The following NR3C2 variants were observed in gnomAD, a reference collection of about 807,000 sequenced individuals.
NR3C2 encodes the protein nuclear receptor subfamily 3 group C member 2, also known as mineralocorticoid receptor.
In NR3C2, 15 loss-of-function variants were observed where a neutral mutation model predicts 86.4. The observed-to-expected ratio is 0.17, with a 90% confidence interval of 0.12 to 0.27. NR3C2 has a LOEUF of 0.27. Ranked by LOEUF, NR3C2 falls within the 10% of genes least tolerant of loss-of-function variation. NR3C2 has a pLI of 1.00. For synonymous variants in NR3C2, 458 were observed against 450.5 expected (o/e 1.02, Z -0.21); for missense variants, 960 against 1,195.6 (o/e 0.80, Z 2.91).
At chr4:148,089,647 G>A (rs1187801219) in intron 8 of NR3C2, among the ~76,000 whole-genome samples, 2 of 152,154 alleles carry the variant, frequency 1.3e-5, no homozygotes, top group African/African-American at 2.4e-5. Flanking sequence ...ATGAGGGATG[G>A]GAGAACCTTT....
Position 148,435,911 on chromosome 4 carries a change from T to A in NR3C2, c.950A>T (p.Asn317Ile). ...CGGACTGGAAAGCGTGGATCTGTTA[T>A]TAGTGTTCGAAGGGCTGGAAACAGA... Reference protein sequence around the residue: ...RCSVSSPSNTNNRSTLSSPAA... With the variant: ...RCSVSSPSNTINRSTLSSPAA... Residue 317 changes from asparagine to isoleucine, a missense_variant, in exon 2 of 9, where the codon AAT (asparagine) becomes ATT (isoleucine). Physicochemically the swap from Asn to Ile is moderately radical, Grantham distance 149 (BLOSUM62 -3). This residue lies in a region of NR3C2 where 680 missense variants were observed against 719.0 expected (regional missense o/e 0.95). Coordinates refer to ENST00000358102, the MANE Select transcript of NR3C2 (RefSeq NM_000901.5). 1 of 1,614,148 alleles carries A rather than the reference T, an allele frequency of 6.2e-7. No homozygotes were observed. Among genetic ancestry groups the A allele is most frequent in the Non-Finnish European group, 8.5e-7 (1 of 1,180,014 alleles).
chr4:148,390,782 C>T (rs1747505971), intron 2 of NR3C2, among the ~76,000 whole-genome samples: 1 of 151,854 alleles, frequency 6.6e-6, no homozygotes, highest in African/African-American at 2.4e-5. Context: ...TTTGACAGGC[C>T]CCAAAAATTG....
At chr4:148,323,570 A>G (rs1245507777) in intron 2 of NR3C2, among the ~76,000 whole-genome samples, 3 of 151,706 alleles carry the variant, frequency 2.0e-5, no homozygotes, top group Admixed American at 6.6e-5. Context: ...GGTGCGGGAC[A>G]TAATCTCGTG....
intron 2 of NR3C2, among the ~76,000 whole-genome samples, chr4:148,384,506 C>A (rs1397541246): frequency 2.0e-5 from 3 of 151,938 alleles, no homozygotes; most frequent in Non-Finnish European, 4.4e-5. Flanking sequence ...ATAAACCCCA[C>A]AAATACTATG....
At chr4:148,444,885 C>T (rs1440391008), upstream of NR3C2, 21 of 984,926 alleles carry the variant, frequency 2.1e-5, no homozygotes, top group Non-Finnish European at 2.4e-5. Flanking sequence ...GAGGATCCCG[C>T]GCCCGCCGCT....
chr4:148,170,615 A>G (rs1227698677), intron 4 of NR3C2, among the ~76,000 whole-genome samples: 1 of 152,130 alleles, frequency 6.6e-6, no homozygotes, highest in African/African-American at 2.4e-5. Context: ...TGGACTGGCC[A>G]CTCCCCTTCG....
Position 148,435,412 on chromosome 4 carries a change from G to A in NR3C2, c.1449C>T (p.Asn483=). Residue 483 remains asparagine (N), a synonymous_variant, in exon 2 of 9, where the codon AAC becomes AAT. Transcript: ENST00000358102. ...CCACTGGGAATCCGCTGCCTTCACA[G>A]TTACCATCAAAGCCGGGCACAGGTG... ...LGPPVPGFDG[N]CEGSGFPVGI... is the part of the protein sequence containing the mutation. The A allele has an allele frequency of 6.2e-7, 1 of 1,614,158 alleles. No individual in the cohort carries two copies. The highest frequency in any genetic ancestry group is 1.3e-5 in the African/African-American group (1 of 75,028).
chr4:148,124,725 T>C (rs190547682), intron 6 of NR3C2, among the ~76,000 whole-genome samples: 1 of 152,332 alleles, frequency 6.6e-6, no homozygotes, highest in African/African-American at 2.4e-5. Flanking sequence ...TAGCAGTATG[T>C]TGGACCTTCT....
At chr4:148,402,792 C>T (rs867434861) in intron 2 of NR3C2, among the ~76,000 whole-genome samples, 2 of 151,960 alleles carry the variant, frequency 1.3e-5, no homozygotes, top group African/African-American at 2.4e-5. Flanking sequence ...CATACACATA[C>T]AATGGAAAGC....
chr4:148,211,683 G>A (rs924748125), intron 3 of NR3C2, among the ~76,000 whole-genome samples: 1 of 152,016 alleles, frequency 6.6e-6, no homozygotes, highest in Admixed American at 6.6e-5. Flanking sequence ...GTGCCTCTAT[G>A]AAGCAGGATG....
At chr4:148,380,992 T>A (rs1746951169) in intron 2 of NR3C2, among the ~76,000 whole-genome samples, 1 of 152,076 alleles carries the variant, frequency 6.6e-6, no homozygotes, top group African/African-American at 2.4e-5. Flanking sequence ...TTTGGGAAGC[T>A]GAAGTGGGTG....
chr4:148,419,862 T>C lies in NR3C2; in HGVS notation c.1757+15242A>G, dbSNP rs911294336. On this transcript the variant is annotated intron_variant, in intron 2 of 8. Transcript: ENST00000358102. ...GTTCATTTCAATAATAATTAAGTCT[T>C]ACTAATGATAATGCTTAGAAAAGCA... 4.6e-5 allele frequency among the ~76,000 whole-genome samples: 7 copies of C among 152,212 alleles called. No homozygotes were observed. In the East Asian group the frequency reaches 5.8e-4, roughly 13 times the overall value.
intron 2 of NR3C2, among the ~76,000 whole-genome samples, chr4:148,397,208 G>C (rs1349689578): frequency 2.0e-5 from 3 of 152,218 alleles, no homozygotes; most frequent in South Asian, 2.1e-4. Context: ...CTGACCACCA[G>C]GGAGGGCCCA....
At chr4:148,408,719 T>C (rs909885302) in intron 2 of NR3C2, among the ~76,000 whole-genome samples, 4 of 152,114 alleles carry the variant, frequency 2.6e-5, no homozygotes, top group Non-Finnish European at 5.9e-5. Flanking sequence ...AAAATAAAAG[T>C]GTTAAGAAAA....
At chr4:148,355,361 G>C (rs9631756) in intron 2 of NR3C2, among the ~76,000 whole-genome samples, 3 of 152,064 alleles carry the variant, frequency 2.0e-5, no homozygotes, top group African/African-American at 4.8e-5. Flanking sequence ...TAACGGCCTT[G>C]CATTTATCAT....
chr4:148,081,144 C>A lies in NR3C2; in HGVS notation c.*200G>T. 1 of 663,808 alleles carries A rather than the reference C, an allele frequency of 1.5e-6. No homozygotes were observed. Among genetic ancestry groups the A allele is most frequent in the Admixed American group, 2.3e-5 (1 of 42,598 alleles). 41.1% of individuals were successfully genotyped at this position (663,808 alleles called of 1,614,324 possible). On this transcript the variant is annotated 3_prime_UTR_variant, in exon 9 of 9. Coordinates refer to ENST00000358102, the MANE Select transcript of NR3C2 (RefSeq NM_000901.5). ...GCTGGGGGATTGGAGGTGGGGAATC[C>A]TTCAGACTGCTCTGGTCTCGCCAAA... is the stretch of plus-strand genomic sequence containing the variant.
At position 148,361,091 on chromosome 4, in the gene NR3C2, G is replaced by T. The variant is rs373176061; in HGVS notation, c.1757+74013C>A. On this transcript the variant is annotated intron_variant, in intron 2 of 8. Transcript: ENST00000358102. ...TGTATTAATTATGGTGTATTCTAGCGCCTGATAATGAATCTCTGCTAAATA... is the reference window on the plus strand; with the variant it reads ...TGTATTAATTATGGTGTATTCTAGCTCCTGATAATGAATCTCTGCTAAATA... Among the ~76,000 whole-genome samples the T allele has an allele frequency of 6.6e-5, 10 of 152,154 alleles. No individual in the cohort carries two copies. The East Asian group carries it at 1.5e-3, about 23-fold the overall frequency.
intron 2 of NR3C2, among the ~76,000 whole-genome samples, chr4:148,316,225 A>G (rs1743164724): frequency 6.6e-6 from 1 of 152,190 alleles, no homozygotes; most frequent in Non-Finnish European, 1.5e-5. Context: ...ACATACACAC[A>G]CAGGATTGTA....
At chr4:148,099,953 T>C (rs1560921105) in intron 8 of NR3C2, among the ~76,000 whole-genome samples, 1 of 152,174 alleles carries the variant, frequency 6.6e-6, no homozygotes, top group South Asian at 2.1e-4. Context: ...CAGGTGGGAA[T>C]GGAATGCCTG....
Sources: gnomAD v4.1 joint callset for allele counts (sites outside exome capture counted in the v4.1 genomes callset) on GRCh38, gnomAD v4.1.1 for gene constraint, gnomAD v4.1.1 regional missense constraint, MANE v1.5 for transcripts, NCBI Gene and HGNC (gene_info 2026-07-23, HGNC 2026-07-21) for gene names.